The following RBFOX1 variants were observed in gnomAD, a reference collection of about 807,000 sequenced individuals.
The protein encoded by RBFOX1 is RNA binding protein fox-1 homolog 1.
A neutral mutation model predicts 57.7 loss-of-function variants in RBFOX1; 8 were observed. That is an observed-to-expected ratio of 0.14 (90% CI 0.08 to 0.25). The LOEUF is 0.25. Ranked by LOEUF, RBFOX1 falls within the 10% of genes least tolerant of loss-of-function variation. The pLI, the probability that RBFOX1 is intolerant of heterozygous loss-of-function variation, is 1.00. For missense variants in RBFOX1, 611 were observed against 548.5 expected (o/e 1.11, Z -1.14); for synonymous variants, 326 against 222.4 (o/e 1.47, Z -4.15).
At chr16:7,058,962 G>C (rs1279268635) in intron 4 of RBFOX1, among the ~76,000 whole-genome samples, 2 of 152,134 alleles carry the variant, frequency 1.3e-5, no homozygotes, top group Non-Finnish European at 2.9e-5. Flanking sequence ...CTGAAATCAT[G>C]GTACCCGCCT....
intron 4 of RBFOX1, among the ~76,000 whole-genome samples, chr16:7,239,263 C>T (rs930314904): frequency 6.6e-6 from 1 of 152,080 alleles, no homozygotes; most frequent in Non-Finnish European, 1.5e-5. Flanking sequence ...ATTTAGGAGG[C>T]CAAGGAGGGT....
intron 3 of RBFOX1, among the ~76,000 whole-genome samples, chr16:5,814,009 T>C (rs1200092607): frequency 6.6e-6 from 1 of 152,250 alleles, no homozygotes; most frequent in East Asian, 1.9e-4. Flanking sequence ...AAGTAACTTA[T>C]TTTAAGCAAT....
chr16:6,883,770 G>A (rs1156390185), intron 3 of RBFOX1, among the ~76,000 whole-genome samples: 1 of 151,818 alleles, frequency 6.6e-6, no homozygotes, highest in Non-Finnish European at 1.5e-5. Context: ...GTTGTGAGCT[G>A]AAAATACATG....
intron 3 of RBFOX1, among the ~76,000 whole-genome samples, chr16:5,858,548 C>G (rs535513269): frequency 1.3e-4 from 20 of 152,308 alleles, no homozygotes; most frequent in South Asian, 8.3e-4. Flanking sequence ...AAATCGTCTG[C>G]AAGATAGACC....
At chr16:6,896,421 T>G (rs1016710968) in intron 3 of RBFOX1, among the ~76,000 whole-genome samples, 7 of 152,198 alleles carry the variant, frequency 4.6e-5, no homozygotes, top group African/African-American at 1.7e-4. Flanking sequence ...ATCCCTACTT[T>G]CCCCTCTTTC....
intron 2 of RBFOX1, among the ~76,000 whole-genome samples, chr16:6,526,259 T>C (rs147275247): frequency 3.9e-5 from 6 of 151,990 alleles, no homozygotes; most frequent in African/African-American, 1.4e-4. Flanking sequence ...AGTAATAGAG[T>C]ATTGGGTTTC....
At chr16:6,323,331 C>T (rs2082021710) in intron 2 of RBFOX1, among the ~76,000 whole-genome samples, 2 of 152,128 alleles carry the variant, frequency 1.3e-5, no homozygotes, top group East Asian at 1.9e-4. Flanking sequence ...TAAAATCTGC[C>T]ATGGTGCTTA....
chr16:6,713,339 A>G (rs2064098676), intron 3 of RBFOX1, among the ~76,000 whole-genome samples: 1 of 152,082 alleles, frequency 6.6e-6, no homozygotes, highest in Non-Finnish European at 1.5e-5. Flanking sequence ...GGGAGTCTTG[A>G]TGACCAAGTT....
chr16:7,165,714 C>T (rs4786974), intron 4 of RBFOX1, among the ~76,000 whole-genome samples: 97,378 of 151,664 alleles, frequency 0.64, 32,001 homozygotes, highest in Non-Finnish European at 0.71. Flanking sequence ...CAAGTGAGAG[C>T]CACTGTGCCT....
intron 2 of RBFOX1, among the ~76,000 whole-genome samples, chr16:6,507,777 A>C (rs1270191785): frequency 6.6e-6 from 1 of 152,110 alleles, no homozygotes; most frequent in Admixed American, 6.6e-5. Context: ...AGTCAAATTC[A>C]TAAAGACAGA....
chr16:7,038,321 T>C (rs2045144132), intron 3 of RBFOX1, among the ~76,000 whole-genome samples: 1 of 152,122 alleles, frequency 6.6e-6, no homozygotes, highest in South Asian at 2.1e-4. Context: ...AGGAGGGCAA[T>C]TATAACCCTT....
chr16:7,571,060 C>A (rs1432112655), intron 5 of RBFOX1, among the ~76,000 whole-genome samples: 1 of 152,106 alleles, frequency 6.6e-6, no homozygotes, highest in Non-Finnish European at 1.5e-5. Context: ...GGGAGGGGAA[C>A]AACACACACT....
chr16:7,704,972 A>G (rs1480334274), intron 14 of RBFOX1, among the ~76,000 whole-genome samples: 1 of 151,446 alleles, frequency 6.6e-6, no homozygotes. Flanking sequence ...TGAACCCAGA[A>G]GGCAGAGGTT....
At chr16:5,811,430 A>C (rs2055427479) in intron 3 of RBFOX1, among the ~76,000 whole-genome samples, 1 of 150,012 alleles carries the variant, frequency 6.7e-6, no homozygotes, top group African/African-American at 2.5e-5. Flanking sequence ...GGTGTGAGCC[A>C]ATGCACCCAG....
chr16:6,611,577 A>C (rs1298575044), intron 2 of RBFOX1, among the ~76,000 whole-genome samples: 2 of 152,128 alleles, frequency 1.3e-5, no homozygotes, highest in African/African-American at 4.8e-5. Context: ...CTCCACAGTG[A>C]GCATGGTTTT....
At chr16:5,737,175 C>T (rs115389101) in intron 3 of RBFOX1, among the ~76,000 whole-genome samples, 368 of 151,998 alleles carry the variant, frequency 2.4e-3, no homozygotes, top group African/African-American at 8.6e-3. Context: ...TGAGGTCTGT[C>T]GTCATTTTTT....
chr16:6,895,265 C>T (rs1039974399), intron 3 of RBFOX1, among the ~76,000 whole-genome samples: 1 of 151,514 alleles, frequency 6.6e-6, no homozygotes, highest in Non-Finnish European at 1.5e-5. Flanking sequence ...CCCAGTGGTT[C>T]CTGATTCCCA....
rs556997971 is a variant in RBFOX1, at chr16:5,994,592, G to A, written c.351+127257G>A. On this transcript the variant is annotated intron_variant, in intron 4 of 19. Coordinates refer to the RBFOX1 transcript ENST00000641259. ...CAAGGTTCAGAGAATAGATATTTCT[G>A]GCTGTGTAGGTCCTACAGTCTCCAT... 5.3e-5 allele frequency among the ~76,000 whole-genome samples: 8 copies of A among 152,332 alleles called. No homozygotes were observed. In the East Asian group the frequency reaches 7.7e-4, roughly 15 times the overall value.
chr16:6,992,840 A>AAG (rs1474963541), intron 3 of RBFOX1, among the ~76,000 whole-genome samples: 1 of 151,228 alleles, frequency 6.6e-6, no homozygotes, highest in African/African-American at 2.4e-5. Context: ...CCTTTTCCAA[A>AAG]AAAAAAAAAA....
Sources: allele counts gnomAD v4.1 joint callset (sites outside exome capture counted in the v4.1 genomes callset), GRCh38; gene constraint gnomAD v4.1.1; transcripts MANE v1.5; gene names NCBI Gene and HGNC (gene_info 2026-07-23, HGNC 2026-07-21).